Variants in SULT4A1 observed in about 807,000 individuals in gnomAD.
SULT4A1 encodes sulfotransferase family 4A member 1, also known as sulfotransferase 4A1.
Under a neutral mutation model 35.2 loss-of-function variants are expected in SULT4A1, and 11 were observed. The observed-to-expected ratio is 0.31, with a 90% CI of 0.20 to 0.52. The LOEUF is 0.52. Among genes scored for constraint, SULT4A1 ranks in the 20% least tolerant of loss-of-function variants. The probability of loss-of-function intolerance (pLI) is 0.97; values close to 1 mark genes in which losing one functional copy is unlikely to be tolerated. For missense variants in SULT4A1, 271 were observed against 383.7 expected (o/e 0.71, Z 2.45); for synonymous variants, 152 against 151.8 (o/e 1.00, Z -0.01).
At chr22:43,841,647 G>T (rs930884056) in intron 2 of SULT4A1, among the ~76,000 whole-genome samples, 155 bp downstream of exon 2, 2 of 152,132 alleles carry the variant, frequency 1.3e-5, no homozygotes, top group Admixed American at 6.5e-5. Context: ...CCAGGTCACT[G>T]CCAGCTCAGG....
chr22:43,835,346 C>A (rs2063362093), intron 4 of SULT4A1, among the ~76,000 whole-genome samples: 1 of 152,216 alleles, frequency 6.6e-6, no homozygotes, highest in Non-Finnish European at 1.5e-5. Context: ...CTCCATACGA[C>A]AGAGAGCAAG....
At chr22:43,833,510 G>T in intron 5 of SULT4A1, 130 bp downstream of exon 5, 1 of 74,798 alleles carries the variant, frequency 1.3e-5, no homozygotes, top group Admixed American at 1.6e-4. Context: ...AGACTGTCCC[G>T]CCCCCTCCTC....
At chr22:43,832,485 C>T (rs1261382942) in intron 5 of SULT4A1, among the ~76,000 whole-genome samples, 1 of 152,134 alleles carries the variant, frequency 6.6e-6, no homozygotes, top group Non-Finnish European at 1.5e-5. Context: ...CCGACCTGGC[C>T]CGTGCTGACC....
intron 1 of SULT4A1, among the ~76,000 whole-genome samples, chr22:43,856,092 G>A (rs1333275133): frequency 1.3e-5 from 2 of 152,222 alleles, no homozygotes; most frequent in African/African-American, 2.4e-5. Flanking sequence ...CCAGACCTAG[G>A]CCAGGTGCTC....
intron 1 of SULT4A1, among the ~76,000 whole-genome samples, chr22:43,849,000 G>C (rs145791894): frequency 9.7e-4 from 148 of 152,362 alleles, no homozygotes; most frequent in African/African-American, 3.6e-3. Context: ...AATCACTTCT[G>C]AGTGGCAAAC....
chr22:43,825,367 A>G lies in SULT4A1; in HGVS notation c.*634T>C, dbSNP rs138057. On this transcript the variant is annotated 3_prime_UTR_variant, in exon 7 of 7. Transcript: ENST00000330884. ...CCGCCCGCTGGAAGTCTCTGGCAGA[A>G]GGACGTCCATTCTGAAGACCTAGTG... is the stretch of plus-strand genomic sequence containing the variant. 0.24 allele frequency: 36,055 copies of G among 152,158 alleles called. 4,516 individuals carry two copies. The highest frequency in any genetic ancestry group is 0.32 in the African/African-American group (13,387 of 41,472). 9.4% of individuals were successfully genotyped at this position (152,158 alleles called of 1,614,324 possible). A position where few individuals can be genotyped will look rare whatever the true frequency, so the allele number is the denominator to read the frequency against.
intron 6 of SULT4A1, chr22:43,826,996 CAAGAG>C: frequency 1.0e-6 from 1 of 985,472 alleles, no homozygotes; most frequent in African/African-American, 1.7e-5. Flanking sequence ...CTCAACATGA[CAAGAG>C]AAGTTGTTGC....
At chr22:43,853,325 C>T (rs988454024) in intron 1 of SULT4A1, among the ~76,000 whole-genome samples, 1 of 152,232 alleles carries the variant, frequency 6.6e-6, no homozygotes, top group Admixed American at 6.5e-5. Context: ...AAGGGTGAAA[C>T]AGATGGGGCA....
intron 6 of SULT4A1, chr22:43,827,234 TAGCTCCGTTATTAAC>T: frequency 1.0e-6 from 1 of 985,440 alleles, no homozygotes; most frequent in Non-Finnish European, 1.2e-6. Flanking sequence ...TGTCCTTCAC[TAGCTCCGTTATTAAC>T]AGCGGTCCTT....
intron 5 of SULT4A1, among the ~76,000 whole-genome samples, chr22:43,830,590 G>A (rs1447871040): frequency 1.3e-5 from 2 of 152,240 alleles, no homozygotes; most frequent in African/African-American, 2.4e-5. Context: ...ACCACGGCAC[G>A]GAGCCAGCGT....
chr22:43,839,113 G>C (rs1161214426), intron 3 of SULT4A1, 120 bp from the exon 4 acceptor site: 1 of 1,366,844 alleles, frequency 7.3e-7, no homozygotes, highest in African/African-American at 1.4e-5. Flanking sequence ...CCTGCTTCCA[G>C]CGTCCAGCTG....
In SULT4A1 at chr22:43,828,881, A is replaced by AGCACTGTGCCATCCATGG. The variant is rs1421642507; in HGVS notation, c.742+161_742+178dup. Reference sequence around the variant, plus strand: ...GGGCAGGGTACTCCGTCACTCCATGAGCACTGTGCCATCCATGGGCACCAG... The same window carrying AGCACTGTGCCATCCATGG: ...GGGCAGGGTACTCCGTCACTCCATGAGCACTGTGCCATCCATGGGCACTGTGCCATCCATGGGCACCAG... On this transcript the variant is annotated intron_variant, in intron 6 of 6. Coordinates refer to ENST00000330884, the MANE Select transcript of SULT4A1 (RefSeq NM_014351.4). The AGCACTGTGCCATCCATGG allele has an allele frequency of 3.4e-5, 21 of 614,062 alleles. No homozygotes were observed. The Admixed American group carries it at 5.1e-4, about 15-fold the overall frequency. The allele number at this position is 614,062 out of a possible 1,614,324, so 38.0% of individuals were successfully genotyped here. A position where few individuals can be genotyped will look rare whatever the true frequency, so the allele number is the denominator to read the frequency against.
chr22:43,826,480 A>T (rs2063287849), intron 6 of SULT4A1: 1 of 985,384 alleles, frequency 1.0e-6, no homozygotes, highest in Non-Finnish European at 1.2e-6. Flanking sequence ...CAGGTGTTTA[A>T]TAAACATCCC....
At chr22:43,851,013 T>A (rs2063507055) in intron 1 of SULT4A1, among the ~76,000 whole-genome samples, 1 of 152,122 alleles carries the variant, frequency 6.6e-6, no homozygotes, top group South Asian at 2.1e-4. Context: ...CTTCAATAAT[T>A]TTCTCTCTTC....
intron 1 of SULT4A1, among the ~76,000 whole-genome samples, chr22:43,857,704 A>C (rs901319590): frequency 7.9e-5 from 12 of 152,204 alleles, no homozygotes; most frequent in Non-Finnish European, 1.5e-4. Context: ...CCAGAGGAAA[A>C]CAGGCACATT....
chr22:43,840,249 A>G (rs537817282), intron 2 of SULT4A1, among the ~76,000 whole-genome samples: 5 of 127,712 alleles, frequency 3.9e-5, no homozygotes, highest in African/African-American at 1.5e-4. Flanking sequence ...GAGCAGGGGG[A>G]CCAGAGGACG....
At chr22:43,843,580 C>T (rs1203318701) in intron 1 of SULT4A1, among the ~76,000 whole-genome samples, 1 of 152,212 alleles carries the variant, frequency 6.6e-6, no homozygotes, top group Non-Finnish European at 1.5e-5. Context: ...TTGTCCAGTC[C>T]CATTTCTACA....
At chr22:43,845,204 C>T (rs371289050) in intron 1 of SULT4A1, among the ~76,000 whole-genome samples, 1 of 152,184 alleles carries the variant, frequency 6.6e-6, no homozygotes, top group Non-Finnish European at 1.5e-5. Flanking sequence ...CTCATCTCCC[C>T]GCCCTGAACG....
chr22:43,827,311 TA>T, intron 6 of SULT4A1: 1 of 985,420 alleles, frequency 1.0e-6, no homozygotes, highest in Non-Finnish European at 1.2e-6. Flanking sequence ...AATGCTGAGC[TA>T]AAATACCCAA....
Sources: gnomAD v4.1 joint callset for allele counts (sites outside exome capture counted in the v4.1 genomes callset) on GRCh38, gnomAD v4.1.1 for gene constraint, MANE v1.5 for transcripts, NCBI Gene and HGNC (gene_info 2026-07-23, HGNC 2026-07-21) for gene names.